TRANK1: variants seen among roughly 807,000 people sequenced by gnomAD.
TRANK1 encodes the protein TPR and ankyrin repeat-containing protein 1.
In TRANK1, 198 loss-of-function variants were observed where a neutral mutation model predicts 266.0. That is an observed-to-expected ratio of 0.74 (90% CI 0.66 to 0.84). TRANK1 has a LOEUF of 0.84. TRANK1 is among the 40% of genes least tolerant of loss of function. The probability of loss-of-function intolerance (pLI) is 0.00; values close to 1 mark genes in which losing one functional copy is unlikely to be tolerated. For synonymous variants in TRANK1, 1,396 were observed against 1,384.1 expected, an observed-to-expected ratio of 1.01 and a Z score of -0.19; for missense variants, 3,326 against 3,634.6, an observed-to-expected ratio of 0.92 and a Z score of 2.18.
chr3:36,855,199 A>T lies in TRANK1; in HGVS notation c.4523T>A (p.Leu1508Gln). The change falls in exon 13 of 24, where the codon CTG becomes CAG. Residue 1508 changes from leucine (L) to glutamine (Q), a missense_variant. Coordinates refer to ENST00000645898, the MANE Select transcript of TRANK1 (RefSeq NM_001329998.2). Reference sequence around the variant, plus strand: ...TGAGTGGGACCTGTAATTCTGGTACAGCTGGTGGATCTTCTTGGGCTTCCG... The same window carrying T: ...TGAGTGGGACCTGTAATTCTGGTACTGCTGGTGGATCTTCTTGGGCTTCCG... ...AVRKPKKIHQ[L>Q]YQNYRSHSGI... The T allele has an allele frequency of 6.2e-7, 1 of 1,612,726 alleles. No homozygotes were observed. Among genetic ancestry groups the T allele is most frequent in the Non-Finnish European group, 8.5e-7 (1 of 1,178,850 alleles).
intron 1 of TRANK1, among the ~76,000 whole-genome samples, chr3:36,941,309 C>A (rs919560773): frequency 6.6e-6 from 1 of 152,166 alleles, no homozygotes; most frequent in Non-Finnish European, 1.5e-5. Context: ...TATAGCTAAA[C>A]CCAGAGTTGG....
intron 6 of TRANK1, 70 bp from the exon 7 acceptor site, chr3:36,892,410 C>T (rs934930915): frequency 1.0e-5 from 15 of 1,504,816 alleles, no homozygotes; most frequent in Non-Finnish European, 1.2e-5. Flanking sequence ...AACTCCTTTA[C>T]CCATAAAGTA....
chr3:36,900,110 C>T (rs146098065), intron 3 of TRANK1, among the ~76,000 whole-genome samples: 56 of 152,298 alleles, frequency 3.7e-4, no homozygotes, highest in East Asian at 1.7e-3. Flanking sequence ...CTTCCTGCCT[C>T]GGCCTCCCAA....
At chr3:36,932,689 G>C (rs2080376240) in intron 1 of TRANK1, among the ~76,000 whole-genome samples, 1 of 152,228 alleles carries the variant, frequency 6.6e-6, no homozygotes, top group Non-Finnish European at 1.5e-5. Flanking sequence ...GAGTTGAAGA[G>C]CTTAAGGATG....
intron 1 of TRANK1, among the ~76,000 whole-genome samples, chr3:36,913,126 C>A (rs1207660077): frequency 2.6e-5 from 4 of 151,872 alleles, no homozygotes; most frequent in Admixed American, 2.6e-4. Flanking sequence ...ACTGCAACCT[C>A]CATCTCTCGA....
At chr3:36,850,461 TA>T in intron 15 of TRANK1, 1 of 985,450 alleles carries the variant, frequency 1.0e-6, no homozygotes, top group Non-Finnish European at 1.2e-6. Flanking sequence ...AGAAATGTAC[TA>T]ATCTCAGTGA....
chr3:36,876,945 C>A (rs1382349458), intron 8 of TRANK1, among the ~76,000 whole-genome samples: 4 of 152,156 alleles, frequency 2.6e-5, no homozygotes, highest in African/African-American at 9.7e-5. Flanking sequence ...AGTTCCTGAG[C>A]CTCTGAAATC....
chr3:36,855,130 T>C lies in TRANK1; in HGVS notation c.4549+43A>G, dbSNP rs1299378392. 2.6e-6 allele frequency: 4 copies of C among 1,546,686 alleles called. No homozygotes were observed. The East Asian group carries it at 9.1e-5, about 35-fold the overall frequency. Reference sequence around the variant, plus strand: ...AGCTTCAAAGGCAGCCCAAAGTCTGTGCCTAAGCACCCCCAGTAGGCAAAC... The same window carrying C: ...AGCTTCAAAGGCAGCCCAAAGTCTGCGCCTAAGCACCCCCAGTAGGCAAAC... On this transcript the variant is annotated intron_variant, in intron 13 of 23. Transcript: ENST00000645898.
Position 36,857,230 on chromosome 3 carries a change from T to C in TRANK1, c.2492A>G (p.Asn831Ser). The C allele has an allele frequency of 1.2e-6, 2 of 1,613,724 alleles. No homozygotes were observed. The highest frequency in any genetic ancestry group is 2.2e-5 in the South Asian group (2 of 91,048). The change falls in exon 13 of 24, where the codon AAC becomes AGC. Residue 831 changes from asparagine (N) to serine (S), a missense_variant. By Grantham distance (46) the Asn-to-Ser change is conservative. Transcript: ENST00000645898. The surrounding 1 kb of genome is among the most constrained non-coding windows in gnomAD (Gnocchi z 4.3). ...EIEACLQDFD[N>S]MTWEIECTSE... ...AGTGCACTCGATCTCCCAGGTCATG[T>C]TATCGAAGTCCTGGAGGCAGGCCTC...
At position 36,857,840 on chromosome 3, in the gene TRANK1, C is replaced by T; in HGVS notation, c.1882G>A (p.Gly628Ser). ...TTAATCCGGTGCCGTGCATCTTTGC[C>T]CTCTTTGTTCTTCAGATTGAAGTTG... ...DINFNLKNKE[G>S]KDARHRIKKN... The change falls in exon 13 of 24, where the codon GGC becomes AGC. Residue 628 changes from glycine to serine, a missense_variant. Coordinates refer to ENST00000645898, the MANE Select transcript of TRANK1 (RefSeq NM_001329998.2). This position sits in a 1 kb window ranked among gnomAD's most constrained non-coding sequence, Gnocchi z 4.3. 1 of 1,613,860 alleles carries T rather than the reference C, an allele frequency of 6.2e-7. No homozygotes were observed. The highest frequency in any genetic ancestry group is 8.5e-7 in the Non-Finnish European group (1 of 1,179,894).
intron 9 of TRANK1, among the ~76,000 whole-genome samples, chr3:36,871,954 G>A (rs536449116): frequency 6.6e-6 from 1 of 152,244 alleles, no homozygotes; most frequent in South Asian, 2.1e-4. Context: ...TTCAAGAGAG[G>A]GAGTGTTTCT....
At chr3:36,928,551 A>G (rs1231970254) in intron 1 of TRANK1, among the ~76,000 whole-genome samples, 1 of 152,210 alleles carries the variant, frequency 6.6e-6, no homozygotes, top group African/African-American at 2.4e-5. Flanking sequence ...TAATTACACT[A>G]ATACTGCTTT....
chr3:36,833,226 A>T lies in TRANK1; in HGVS notation c.6357T>A (p.Ile2119=). The T allele has an allele frequency of 1.2e-6, 2 of 1,613,972 alleles. No individual in the cohort carries two copies. The highest frequency in any genetic ancestry group is 1.7e-6 in the Non-Finnish European group (2 of 1,179,894). The part of the protein sequence containing the change: ...MVKSCFEFFG[I]SQVDAKYCQI... Reference sequence around the variant, plus strand: ...GGCAATACTTGGCATCCACCTGGGAAATCCCAAAAAACTCAAAGCAAGATT... The same window carrying T: ...GGCAATACTTGGCATCCACCTGGGATATCCCAAAAAACTCAAAGCAAGATT... The change falls in exon 22 of 24, where the codon ATT becomes ATA. Residue 2119 remains isoleucine (I), a synonymous_variant. Coordinates refer to ENST00000645898, the MANE Select transcript of TRANK1 (RefSeq NM_001329998.2).
chr3:36,926,344 G>A (rs2080287993), intron 1 of TRANK1, among the ~76,000 whole-genome samples: 1 of 152,112 alleles, frequency 6.6e-6, no homozygotes, highest in African/African-American at 2.4e-5. Flanking sequence ...ATGTGCCCTC[G>A]CAAACAAGCA....
chr3:36,831,375 C>A lies in TRANK1; in HGVS notation c.8208G>T (p.Trp2736Cys). ...ACLVVSLCIS[W>C]RRRVGTQMER... ...CCATCTGGGTGCCCACTCTTCTCCT[C>A]CAACTGATGCACAGAGACACCACCA... is the stretch of plus-strand genomic sequence containing the variant. Residue 2736 changes from tryptophan to cysteine, a missense_variant, in exon 22 of 24, where the codon TGG becomes TGT. Physicochemically the swap from Trp to Cys is radical, Grantham distance 215. Transcript: ENST00000645898. The surrounding 1 kb of genome is among the most constrained non-coding windows in gnomAD (Gnocchi z 5.0). 6.2e-7 allele frequency: 1 copy of A among 1,613,314 alleles called. No homozygotes were observed. The highest frequency in any genetic ancestry group is 8.5e-7 in the Non-Finnish European group (1 of 1,179,612).
At position 36,861,072 on chromosome 3, in the gene TRANK1, C is replaced by G. The variant is rs1450329793; in HGVS notation, c.1329G>C (p.Glu443Asp). ...CTTTGCGGGTCAGCAGCAGAAGCAC[C>G]TCAGGCCATCTCTGTTTTTCCAATA... is the stretch of plus-strand genomic sequence containing the variant. ...KFLLEKQRWPEVLLLLTRKVS... is the reference protein window; with the variant it reads ...KFLLEKQRWPDVLLLLTRKVS... The change falls in exon 11 of 24, where the codon GAG becomes GAC. Residue 443 changes from glutamate (E) to aspartate (D), a missense_variant. By Grantham distance (45) the Glu-to-Asp change is conservative (BLOSUM62 2). Coordinates refer to ENST00000645898, the MANE Select transcript of TRANK1 (RefSeq NM_001329998.2). 8 of 1,537,594 alleles carry G rather than the reference C, an allele frequency of 5.2e-6. No individual in the cohort carries two copies. Among genetic ancestry groups the G allele is most frequent in the Non-Finnish European group, 7.0e-6 (8 of 1,147,016 alleles).
Position 36,831,372 on chromosome 3 carries a change from C to T in TRANK1, c.8211G>A (p.Arg2737=), listed in dbSNP as rs2078691175. The change falls in exon 22 of 24, where the codon AGG becomes AGA. Residue 2737 remains arginine, a synonymous_variant. Transcript: ENST00000645898. The surrounding 1 kb of genome is among the most constrained non-coding windows in gnomAD (Gnocchi z 5.0). ...CLVVSLCISW[R]RRVGTQMERV... is the part of the protein sequence containing the mutation. ...GCTCCATCTGGGTGCCCACTCTTCT[C>T]CTCCAACTGATGCACAGAGACACCA... is the stretch of plus-strand genomic sequence containing the variant. The T allele has an allele frequency of 1.9e-6, 3 of 1,613,376 alleles. No individual in the cohort carries two copies. In the East Asian group the frequency reaches 6.7e-5, roughly 36 times the overall value.
intron 11 of TRANK1, among the ~76,000 whole-genome samples, chr3:36,860,220 CTATT>C (rs541974522): frequency 1.2e-3 from 184 of 152,300 alleles, no homozygotes; most frequent in African/African-American, 4.1e-3. Flanking sequence ...AAAAGGGGGC[CTATT>C]TATTCCCATT....
At position 36,829,558 on chromosome 3, in the gene TRANK1, C is replaced by A. The variant is rs1467756003; in HGVS notation, c.8809+6G>T. On this transcript the variant is annotated splice_donor_region_variant and intron_variant, in intron 23 of 23. Transcript: ENST00000645898. ...GTTACCTGTCCCCACAATCAAGACTCCTTACCTTCCTTCTTTAAGCGGGTC... is the reference window on the plus strand; with the variant it reads ...GTTACCTGTCCCCACAATCAAGACTACTTACCTTCCTTCTTTAAGCGGGTC... The A allele has an allele frequency of 1.9e-6, 3 of 1,613,930 alleles. No individual in the cohort carries two copies. The highest frequency in any genetic ancestry group is 2.5e-6 in the Non-Finnish European group (3 of 1,179,850).
Sources: gnomAD v4.1 joint callset for allele counts (sites outside exome capture counted in the v4.1 genomes callset) on GRCh38, gnomAD v4.1.1 for gene constraint, Gnocchi (gnomAD v3.1) non-coding constraint, MANE v1.5 for transcripts, NCBI Gene and HGNC (gene_info 2026-07-23, HGNC 2026-07-21) for gene names.